USP46: variants seen among roughly 807,000 people sequenced by gnomAD.
The protein encoded by USP46 is ubiquitin specific peptidase 46.
In USP46, 12 loss-of-function variants were observed where a neutral mutation model predicts 44.4. The ratio of observed to expected loss-of-function variants is 0.27; its 90% CI spans 0.17 to 0.44. The LOEUF is 0.44. USP46 is among the 20% of genes least tolerant of loss of function. The probability of loss-of-function intolerance (pLI) is 1.00; values close to 1 mark genes in which losing one functional copy is unlikely to be tolerated. For synonymous variants in USP46, 155 were observed against 161.5 expected (o/e 0.96, Z 0.31); for missense variants, 248 against 444.8 (o/e 0.56, Z 3.98).
intron 4 of USP46, among the ~76,000 whole-genome samples, chr4:52,617,545 C>T (rs1352152163): frequency 6.6e-6 from 1 of 152,200 alleles, no homozygotes; most frequent in Non-Finnish European, 1.5e-5. Context: ...GAAAGCACTG[C>T]TCAGAGGAAT....
chr4:52,606,519 C>T (rs1011833950), intron 5 of USP46, among the ~76,000 whole-genome samples: 8 of 152,174 alleles, frequency 5.3e-5, no homozygotes, highest in African/African-American at 1.9e-4. Flanking sequence ...ATAAAACCAT[C>T]AGATCTTGTG....
In USP46 at chr4:52,597,317, G is replaced by A. The variant is rs182533779; in HGVS notation, c.*323C>T. On this transcript the variant is annotated 3_prime_UTR_variant, in exon 9 of 9. Transcript: ENST00000441222. The stretch of plus-strand genomic sequence containing the variant: ...GTTTAGCAAACACCTAAAACAGACC[G>A]TAGACATTCATAGGAAATGTCATTC... 6.4e-4 allele frequency: 161 copies of A among 251,084 alleles called. 1 individual carries two copies. Among genetic ancestry groups the A allele is most frequent in the African/African-American group, 3.5e-3 (152 of 42,906 alleles). The allele number at this position is 251,084 out of a possible 1,614,324, so 15.6% of individuals were successfully genotyped here. A position where few individuals can be genotyped will look rare whatever the true frequency, so the allele number is the denominator to read the frequency against.
intron 1 of USP46, among the ~76,000 whole-genome samples, chr4:52,654,623 T>C (rs1718887320): frequency 6.6e-6 from 1 of 152,192 alleles, no homozygotes; most frequent in Non-Finnish European, 1.5e-5. Context: ...CTTGAATTCC[T>C]GGGCTCAAAG....
intron 5 of USP46, among the ~76,000 whole-genome samples, chr4:52,605,926 G>A (rs1463194185): frequency 1.3e-5 from 2 of 152,140 alleles, no homozygotes; most frequent in Non-Finnish European, 2.9e-5. Context: ...GGCTAACCCG[G>A]TTGTTCAGCA....
intron 1 of USP46, 79 bp from the exon 2 acceptor site, chr4:52,631,223 T>C: frequency 9.0e-7 from 1 of 1,112,680 alleles, no homozygotes; most frequent in East Asian, 2.6e-5. Flanking sequence ...GAGTCTACTA[T>C]TGAGACAAGC....
At chr4:52,635,660 C>G (rs1718086293) in intron 1 of USP46, among the ~76,000 whole-genome samples, 1 of 152,200 alleles carries the variant, frequency 6.6e-6, no homozygotes, top group Admixed American at 6.5e-5. Flanking sequence ...AATCTCTCCT[C>G]CTCTATCAGA....
intron 1 of USP46, among the ~76,000 whole-genome samples, chr4:52,655,627 G>T (rs933582439): frequency 6.6e-6 from 1 of 152,166 alleles, no homozygotes; most frequent in Admixed American, 6.5e-5. Context: ...CCATTGGTCT[G>T]GACAAAAATC....
At chr4:52,632,990 A>AAAAGAAAAGAAAGAAAGAAAGAAAGAAAG (rs1717961084) in intron 1 of USP46, among the ~76,000 whole-genome samples, 17 of 66,334 alleles carry the variant, frequency 2.6e-4, no homozygotes, top group Admixed American at 1.6e-3. Flanking sequence ...GAAAGAAAAG[A>AAAAGAAAAGAAAGAAAGAAAGAAAGAAAG]AAAGAAAGAA....
In USP46 at chr4:52,591,346, G is replaced by T. The variant is rs1716004826; in HGVS notation, c.*6294C>A. ...TTCTGGTCAAGTCGGATACAAGTCTGAGTTTTCTTTTCAAAGCTCCCTTAT... is the reference window on the plus strand; with the variant it reads ...TTCTGGTCAAGTCGGATACAAGTCTTAGTTTTCTTTTCAAAGCTCCCTTAT... On this transcript the variant is annotated 3_prime_UTR_variant, in exon 9 of 9. Transcript: ENST00000441222. The T allele has an allele frequency of 1.3e-5, 2 of 152,184 alleles. No homozygotes were observed. The highest frequency in any genetic ancestry group is 4.8e-5 in the African/African-American group (2 of 41,440). The allele number at this position is 152,184 out of a possible 1,614,324, so 9.4% of individuals were successfully genotyped here.
intron 2 of USP46, among the ~76,000 whole-genome samples, chr4:52,630,736 CAAAA>C (rs10566870): frequency 7.6e-5 from 7 of 92,286 alleles, no homozygotes; most frequent in Non-Finnish European, 8.9e-5. Context: ...GACTCTGTCT[CAAAA>C]AAAAAAAAAA....
At chr4:52,603,358 G>A (rs1202123529) in intron 6 of USP46, among the ~76,000 whole-genome samples, 1 of 152,220 alleles carries the variant, frequency 6.6e-6, no homozygotes, top group East Asian at 1.9e-4. Flanking sequence ...CTAACCATCT[G>A]TAAGTTTTGC....
rs771339170 is a variant in USP46 at position 52,593,153 on chromosome 4, G to C, written c.*4487C>G. On this transcript the variant is annotated 3_prime_UTR_variant, in exon 9 of 9. Coordinates refer to ENST00000441222, the MANE Select transcript of USP46 (RefSeq NM_022832.4). Reference sequence around the variant, plus strand: ...GGAAGGCTTCATTTTTTTAGTAAAGGTATTTTAAGTATCAATAAAAAGAGA... The same window carrying C: ...GGAAGGCTTCATTTTTTTAGTAAAGCTATTTTAAGTATCAATAAAAAGAGA... The C allele has an allele frequency of 1.1e-4, 41 of 387,912 alleles. No homozygotes were observed. The highest frequency in any genetic ancestry group is 1.8e-4 in the Non-Finnish European group (40 of 220,066). 24.0% of individuals were successfully genotyped at this position (387,912 alleles called of 1,614,324 possible). A position where few individuals can be genotyped will look rare whatever the true frequency, so the allele number is the denominator to read the frequency against.
intron 4 of USP46, among the ~76,000 whole-genome samples, chr4:52,618,183 A>G (rs1717238478): frequency 6.6e-6 from 1 of 152,068 alleles, no homozygotes; most frequent in African/African-American, 2.4e-5. Context: ...CAGGAGTTCA[A>G]GACCAGCCTG....
intron 5 of USP46, among the ~76,000 whole-genome samples, chr4:52,610,310 C>T (rs945039248): frequency 6.6e-6 from 1 of 152,178 alleles, no homozygotes; most frequent in African/African-American, 2.4e-5. Flanking sequence ...CTCAAATCTA[C>T]AGCCACTGCC....
At chr4:52,657,230 A>C (rs1444432416) in intron 1 of USP46, among the ~76,000 whole-genome samples, 2 of 151,984 alleles carry the variant, frequency 1.3e-5, no homozygotes, top group African/African-American at 4.8e-5. Flanking sequence ...TCTCCACCTG[A>C]GATGTCAACT....
rs200143285 is a variant in USP46, at chr4:52,633,006, G to GA, written c.37-1863dup. ...AAAGAAAAGAAAAGAAAGAAAGAAA[G>GA]AAAGAAAGAAAGAAAGAAAGAAAAA... is the stretch of plus-strand genomic sequence containing the variant. On this transcript the variant is annotated intron_variant, in intron 1 of 8. Coordinates refer to ENST00000441222, the MANE Select transcript of USP46 (RefSeq NM_022832.4). Among the ~76,000 whole-genome samples, 144 of 118,918 alleles carry GA rather than the reference G, an allele frequency of 1.2e-3. 1 individual carries two copies. Among genetic ancestry groups the GA allele is most frequent in the East Asian group, 0.012 (47 of 4,040 alleles). 78.0% of individuals were successfully genotyped at this position (118,918 alleles called of 152,430 possible).
At position 52,626,222 on chromosome 4, in the gene USP46, C is replaced by T. The variant is rs28711292; in HGVS notation, c.357G>A (p.Gln119=). 525 of 1,613,482 alleles carry T rather than the reference C, an allele frequency of 3.3e-4. 2 individuals carry two copies. In the African/African-American group the frequency reaches 5.3e-3, roughly 16 times the overall value. ...AATAATTTAAAAATTCATGAGCATC[C>T]TGCTGCATGTAGTTATCAAAGAGAT... The part of the protein sequence containing the change: ...ENDLFDNYMQ[Q]DAHEFLNYLL... The change falls in exon 4 of 9, where the codon CAG becomes CAA. Residue 119 remains glutamine (Q), a synonymous_variant. Transcript: ENST00000441222.
At chr4:52,656,615 ACACT>A (rs937502958) in intron 1 of USP46, 8 of 1,241,028 alleles carry the variant, frequency 6.4e-6, no homozygotes, top group Admixed American at 3.7e-5. Flanking sequence ...GTTGACAATG[ACACT>A]CACTGAGTTC....
intron 1 of USP46, chr4:52,658,337 A>C (rs969195453): frequency 5.9e-5 from 27 of 454,714 alleles, no homozygotes; most frequent in Non-Finnish European, 1.1e-4. Flanking sequence ...CCACCGCATC[A>C]TGGGCTCGGA....
Sources: allele counts gnomAD v4.1 joint callset (sites outside exome capture counted in the v4.1 genomes callset), GRCh38; gene constraint gnomAD v4.1.1; transcripts MANE v1.5; gene names NCBI Gene and HGNC (gene_info 2026-07-23, HGNC 2026-07-21).